The following RC3H1 variants were observed in gnomAD, a reference collection of about 807,000 sequenced individuals.
The protein encoded by RC3H1 is ring finger and CCCH-type domains 1, also known as roquin-1.
A neutral mutation model predicts 138.2 loss-of-function variants in RC3H1; 50 were observed. The observed-to-expected ratio is 0.36, with a 90% CI of 0.29 to 0.46. The LOEUF (loss-of-function observed/expected upper bound fraction) is 0.46, where lower values mean the gene tolerates loss of function less well. RC3H1 is among the 20% of genes least tolerant of loss of function. RC3H1 has a pLI of 1.00. For synonymous variants in RC3H1, 462 were observed against 489.1 expected (o/e 0.94, Z 0.73); for missense variants, 1,031 against 1,388.1 (o/e 0.74, Z 4.09).
At chr1:173,957,703 C>T (rs759469944) in intron 13 of RC3H1, among the ~76,000 whole-genome samples, 6 of 151,740 alleles carry the variant, frequency 4.0e-5, no homozygotes, top group Non-Finnish European at 8.8e-5. Context: ...GGACTGTAGG[C>T]GTGTCCCACC....
intron 2 of RC3H1, among the ~76,000 whole-genome samples, chr1:173,988,881 A>T (rs1661145001): frequency 6.6e-6 from 1 of 152,242 alleles, no homozygotes; most frequent in Non-Finnish European, 1.5e-5. Flanking sequence ...TGTCCATTTT[A>T]AAAACTGGGT....
At position 173,957,127 on chromosome 1, in the gene RC3H1, T is replaced by C. The variant is rs959458566; in HGVS notation, c.2370+3950A>G. Among the ~76,000 whole-genome samples, 3 of 152,164 alleles carry C rather than the reference T, an allele frequency of 2.0e-5. No homozygotes were observed. In the East Asian group the frequency reaches 5.8e-4, roughly 29 times the overall value. On this transcript the variant is annotated intron_variant, in intron 13 of 19. Coordinates refer to ENST00000367696, the MANE Select transcript of RC3H1 (RefSeq NM_172071.4). ...TAATCAGAACTGAGGTTTAAATATA[T>C]GTCTTTGCATCTCAGTAACTAAAAT... is the stretch of plus-strand genomic sequence containing the variant.
At chr1:174,006,878 A>G (rs1266775269) in intron 1 of RC3H1, among the ~76,000 whole-genome samples, 1 of 152,178 alleles carries the variant, frequency 6.6e-6, no homozygotes, top group Admixed American at 6.6e-5. Flanking sequence ...CGCCTTACTG[A>G]TATTTTAAGA....
intron 2 of RC3H1, among the ~76,000 whole-genome samples, chr1:173,991,320 A>G (rs190619422): frequency 6.8e-4 from 103 of 152,338 alleles, no homozygotes; most frequent in African/African-American, 2.5e-3. Context: ...TACTCATCTT[A>G]TATCCTGCAA....
chr1:174,005,472 C>T (rs968576354), intron 1 of RC3H1, among the ~76,000 whole-genome samples: 7 of 152,102 alleles, frequency 4.6e-5, no homozygotes, highest in African/African-American at 1.7e-4. Context: ...TCATTATAGT[C>T]TTTTGAGAAA....
chr1:174,001,059 A>G (rs1379655665), intron 1 of RC3H1, among the ~76,000 whole-genome samples: 1 of 152,200 alleles, frequency 6.6e-6, no homozygotes, highest in African/African-American at 2.4e-5. Flanking sequence ...AGGCATAAAG[A>G]GAAGGGCTTC....
intron 9 of RC3H1, among the ~76,000 whole-genome samples, chr1:173,965,526 G>A (rs763151531): frequency 3.2e-4 from 49 of 151,316 alleles, no homozygotes; most frequent in African/African-American, 7.8e-4. Flanking sequence ...GGGAGACAGC[G>A]GTTGCAGTGA....
Position 173,952,049 on chromosome 1 carries a change from G to C in RC3H1, c.2460C>G (p.Ser820=). Residue 820 remains serine, a synonymous_variant, in exon 14 of 20, where the codon TCC becomes TCG. Coordinates refer to ENST00000367696, the MANE Select transcript of RC3H1 (RefSeq NM_172071.4). ...YSPWSCDTIG[S]YIGTKDAKPK... ...GTTTTGCATCTTTGGTTCCAATGTA[G>C]GAGCCGATGGTGTCACATGACCAGG... The C allele has an allele frequency of 1.9e-6, 3 of 1,607,550 alleles. No homozygotes were observed. Among genetic ancestry groups the C allele is most frequent in the Non-Finnish European group, 2.5e-6 (3 of 1,176,766 alleles).
chr1:174,012,512 A>G (rs907738383), intron 1 of RC3H1, among the ~76,000 whole-genome samples: 1 of 152,056 alleles, frequency 6.6e-6, no homozygotes, highest in Non-Finnish European at 1.5e-5. Context: ...AGCCGGGCAC[A>G]GTGGCTCACA....
At chr1:173,993,172 T>C in intron 1 of RC3H1, 37 bp from the exon 2 acceptor site, 1 of 573,098 alleles carries the variant, frequency 1.7e-6, no homozygotes, top group Non-Finnish European at 3.1e-6. Context: ...TTGAGTGTCT[T>C]TCTTTTCAAT....
intron 1 of RC3H1, among the ~76,000 whole-genome samples, chr1:174,010,983 T>C (rs1409953481): frequency 6.6e-6 from 1 of 152,188 alleles, no homozygotes; most frequent in Non-Finnish European, 1.5e-5. Context: ...GAATAGGTGC[T>C]ACCACTTCAC....
chr1:174,002,377 T>C (rs1355208952), intron 1 of RC3H1, among the ~76,000 whole-genome samples: 4 of 152,226 alleles, frequency 2.6e-5, no homozygotes, highest in Admixed American at 6.5e-5. Flanking sequence ...CTGTGCCTGA[T>C]AAATTTATGT....
chr1:173,995,048 A>G (rs1661431158), intron 1 of RC3H1, among the ~76,000 whole-genome samples: 1 of 152,168 alleles, frequency 6.6e-6, no homozygotes, highest in Non-Finnish European at 1.5e-5. Flanking sequence ...GTACAGGGAG[A>G]TACAAGCATA....
chr1:173,958,276 C>T (rs1258934011), intron 13 of RC3H1, among the ~76,000 whole-genome samples: 1 of 152,154 alleles, frequency 6.6e-6, no homozygotes, highest in Non-Finnish European at 1.5e-5. Flanking sequence ...GGCACAGTAG[C>T]TCACGCCTGT....
chr1:174,014,396 T>C (rs1661821100), intron 1 of RC3H1, among the ~76,000 whole-genome samples: 1 of 152,132 alleles, frequency 6.6e-6, no homozygotes, highest in Admixed American at 6.6e-5. Flanking sequence ...AAACTCAAAT[T>C]TACATAGCCA....
At chr1:173,949,444 C>T (rs1557922351) in intron 14 of RC3H1, among the ~76,000 whole-genome samples, 2 of 151,760 alleles carry the variant, frequency 1.3e-5, no homozygotes, top group African/African-American at 4.8e-5. Context: ...TCTCGGTTCA[C>T]TGCAACCTCT....
At chr1:173,975,189 G>A (rs901328644) in intron 7 of RC3H1, among the ~76,000 whole-genome samples, 2 of 152,050 alleles carry the variant, frequency 1.3e-5, no homozygotes, top group Non-Finnish European at 2.9e-5. Context: ...TCCATCTTCC[G>A]GGTTCAAGCA....
chr1:173,932,546 TC>T lies in RC3H1; in HGVS notation c.*6174del, dbSNP rs1658423501. 1 of 152,038 alleles carries T rather than the reference TC, an allele frequency of 6.6e-6. No homozygotes were observed. The highest frequency in any genetic ancestry group is 6.6e-5 in the Admixed American group (1 of 15,260). The allele number at this position is 152,038 out of a possible 1,614,324, so 9.4% of individuals were successfully genotyped here. On this transcript the variant is annotated 3_prime_UTR_variant, in exon 20 of 20. Transcript: ENST00000367696. ...GACTAATTAATTTTTTTAAAAAAGT[TC>T]CTTTTATTCCCAGGAAGCAGGGAAG...
chr1:173,984,685 T>C, intron 2 of RC3H1, 66 bp from the exon 3 acceptor site: 4 of 1,504,320 alleles, frequency 2.7e-6, no homozygotes, highest in Non-Finnish European at 3.6e-6. Context: ...TAGTATAGTT[T>C]ATGCACTCAT....
Sources: gnomAD v4.1 joint callset for allele counts (sites outside exome capture counted in the v4.1 genomes callset) on GRCh38, gnomAD v4.1.1 for gene constraint, MANE v1.5 for transcripts, NCBI Gene and HGNC (gene_info 2026-07-23, HGNC 2026-07-21) for gene names.